NTM: variants seen among roughly 807,000 people sequenced by gnomAD.
NTM encodes IgLON family member 2.
NTM carries 13 observed loss-of-function variants against 42.1 expected under a neutral mutation model. The ratio of observed to expected loss-of-function variants is 0.31; its 90% CI spans 0.20 to 0.49. NTM has a LOEUF of 0.49. Among genes scored for constraint, NTM ranks in the 20% least tolerant of loss-of-function variants. The pLI is 0.99. For missense variants in NTM, 373 were observed against 452.8 expected, an observed-to-expected ratio of 0.82 and a Z score of 1.60; for synonymous variants, 187 against 179.2, an observed-to-expected ratio of 1.04 and a Z score of -0.35.
intron 4 of NTM, among the ~76,000 whole-genome samples, chr11:132,260,333 A>G (rs559273230): frequency 6.6e-5 from 10 of 152,216 alleles, no homozygotes; most frequent in African/African-American, 2.2e-4. Context: ...GCTAATTAGT[A>G]GCAAAAGTAA....
At chr11:132,334,919 C>T in intron 8 of NTM, 127 bp from the exon 9 acceptor site, 2 of 1,461,968 alleles carry the variant, frequency 1.4e-6, no homozygotes, top group Non-Finnish European at 1.8e-6. Flanking sequence ...GGGGCTGGAA[C>T]ACCATGTGTT....
chr11:131,985,682 C>T (rs766824017), intron 2 of NTM, among the ~76,000 whole-genome samples: 7 of 152,044 alleles, frequency 4.6e-5, no homozygotes, highest in Admixed American at 1.3e-4. Flanking sequence ...CGGGATTAGG[C>T]AGTTGTGCAT....
At chr11:131,491,891 C>T (rs911932822) in intron 1 of NTM, among the ~76,000 whole-genome samples, 9 of 152,250 alleles carry the variant, frequency 5.9e-5, no homozygotes, top group Non-Finnish European at 1.2e-4. Flanking sequence ...GCTTATAATC[C>T]GACAATAATA....
chr11:131,653,047 G>C (rs1019556987), intron 1 of NTM, among the ~76,000 whole-genome samples: 2 of 152,090 alleles, frequency 1.3e-5, no homozygotes, highest in African/African-American at 4.8e-5. Flanking sequence ...CCCGCTATTT[G>C]ACGAGCTGCT....
chr11:131,627,296 C>T (rs1287984417), intron 1 of NTM, among the ~76,000 whole-genome samples: 4 of 151,008 alleles, frequency 2.6e-5, no homozygotes, highest in African/African-American at 7.3e-5. Flanking sequence ...TACACTGCCA[C>T]GTTTGAGAGC....
At chr11:131,396,771 T>G (rs1393547066) in intron 1 of NTM, among the ~76,000 whole-genome samples, 1 of 151,978 alleles carries the variant, frequency 6.6e-6, no homozygotes, top group Non-Finnish European at 1.5e-5. Flanking sequence ...GGGACGGAAG[T>G]TGCAGTGAGC....
At chr11:132,039,742 C>T (rs954612132) in intron 2 of NTM, among the ~76,000 whole-genome samples, 2 of 152,114 alleles carry the variant, frequency 1.3e-5, no homozygotes, top group East Asian at 1.9e-4. Flanking sequence ...GGGAATAAGA[C>T]AGCAGCAGGA....
chr11:131,764,221 T>C (rs1268682825), intron 1 of NTM, among the ~76,000 whole-genome samples: 1 of 152,212 alleles, frequency 6.6e-6, no homozygotes, highest in Non-Finnish European at 1.5e-5. Context: ...CTGTGGTTAA[T>C]TAGCTATATA....
chr11:131,568,757 CA>C lies in NTM; in HGVS notation c.82+197870del, dbSNP rs373231958. On this transcript the variant is annotated intron_variant, in intron 1 of 8. Coordinates refer to ENST00000683400, the MANE Select transcript of NTM (RefSeq NM_001352005.2). The stretch of plus-strand genomic sequence containing the variant: ...CGGCCAGTTGAGTATGGAGCACCAG[CA>C]CGCATTCAAAGTCAGCCTTGCTAAT... 4.8e-4 allele frequency among the ~76,000 whole-genome samples: 73 copies of C among 152,312 alleles called. 1 individual carries two copies. The highest frequency in any genetic ancestry group is 1.7e-3 in the African/African-American group (72 of 41,576).
chr11:132,101,882 A>G (rs1054186938), intron 2 of NTM, among the ~76,000 whole-genome samples: 1 of 152,288 alleles, frequency 6.6e-6, no homozygotes, highest in Middle Eastern at 3.4e-3. Flanking sequence ...AATATAAACT[A>G]TTATAGTCCT....
intron 2 of NTM, among the ~76,000 whole-genome samples, chr11:132,136,543 A>G (rs1469786893): frequency 6.6e-6 from 1 of 152,168 alleles, no homozygotes; most frequent in Non-Finnish European, 1.5e-5. Context: ...CCCACCACAC[A>G]TGGCCACACA....
Position 131,559,565 on chromosome 11 carries a change from T to G in NTM, c.82+188677T>G, listed in dbSNP as rs111325343. On this transcript the variant is annotated intron_variant, in intron 1 of 8. Transcript: ENST00000683400. ...AATAGAGGCAAAACACATAAAATAATGTCTCAGTTTCAAAGGTCATTATAC... is the reference window on the plus strand; with the variant it reads ...AATAGAGGCAAAACACATAAAATAAGGTCTCAGTTTCAAAGGTCATTATAC... Among the ~76,000 whole-genome samples, 45 of 152,344 alleles carry G rather than the reference T, an allele frequency of 3.0e-4. 1 individual carries two copies. Among genetic ancestry groups the G allele is most frequent in the African/African-American group, 1.1e-3 (44 of 41,586 alleles).
chr11:131,880,074 G>T (rs580835), intron 1 of NTM, among the ~76,000 whole-genome samples: 1 of 152,004 alleles, frequency 6.6e-6, no homozygotes, highest in Non-Finnish European at 1.5e-5. Flanking sequence ...TTTCTATTCC[G>T]CCTCCCTACC....
chr11:131,539,787 C>A (rs2052908720), intron 1 of NTM, among the ~76,000 whole-genome samples: 1 of 152,140 alleles, frequency 6.6e-6, no homozygotes, highest in African/African-American at 2.4e-5. Context: ...CCAGGCAGAG[C>A]CTGCAGTGCA....
chr11:131,763,641 A>G (rs2084590775), intron 1 of NTM, among the ~76,000 whole-genome samples: 1 of 149,936 alleles, frequency 6.7e-6, no homozygotes, highest in African/African-American at 2.4e-5. Context: ...TGGGTACTAC[A>G]AACCCCAGGG....
At chr11:131,786,380 A>G (rs2089220136) in intron 1 of NTM, among the ~76,000 whole-genome samples, 1 of 152,248 alleles carries the variant, frequency 6.6e-6, no homozygotes, top group South Asian at 2.1e-4. Context: ...GTTTACGCTC[A>G]TGAATGCCTT....
chr11:131,869,287 G>A (rs369184396), intron 1 of NTM, among the ~76,000 whole-genome samples: 9 of 152,112 alleles, frequency 5.9e-5, no homozygotes, highest in Non-Finnish European at 8.8e-5. Flanking sequence ...CCCCGCCTAC[G>A]CGCTATGACT....
chr11:131,613,183 G>C (rs1434050704), intron 1 of NTM, among the ~76,000 whole-genome samples: 1 of 152,026 alleles, frequency 6.6e-6, no homozygotes, highest in Non-Finnish European at 1.5e-5. Flanking sequence ...CTTTTCCCTG[G>C]TGGCTGGCCA....
chr11:131,786,004 T>C (rs2089133486), intron 1 of NTM, among the ~76,000 whole-genome samples: 1 of 152,176 alleles, frequency 6.6e-6, no homozygotes. Context: ...GTCATTCTGC[T>C]GGAAAGTTGA....
Sources: gnomAD v4.1 joint callset for allele counts (sites outside exome capture counted in the v4.1 genomes callset) on GRCh38, gnomAD v4.1.1 for gene constraint, MANE v1.5 for transcripts, NCBI Gene and HGNC (gene_info 2026-07-23, HGNC 2026-07-21) for gene names.